ELOVL5: variants seen among roughly 807,000 people sequenced by gnomAD.
ELOVL5 encodes the protein ELOVL fatty acid elongase 5.
ELOVL5 carries 8 observed loss-of-function variants against 38.6 expected under a neutral mutation model. The ratio of observed to expected loss-of-function variants is 0.21; its 90% CI spans 0.12 to 0.37. ELOVL5 has a LOEUF of 0.37. ELOVL5 is among the 10% of genes least tolerant of loss of function. The pLI, the probability that ELOVL5 is intolerant of heterozygous loss-of-function variation, is 1.00. For missense variants in ELOVL5, 280 were observed against 367.8 expected (o/e 0.76, Z 1.95); for synonymous variants, 127 against 133.7 (o/e 0.95, Z 0.34).
At chr6:53,300,531 A>G (rs905187185) in intron 1 of ELOVL5, among the ~76,000 whole-genome samples, 1 of 152,240 alleles carries the variant, frequency 6.6e-6, no homozygotes, top group African/African-American at 2.4e-5. Context: ...TGGAAAACAT[A>G]GAGAAGGCAG....
chr6:53,315,273 AG>A (rs959494090), intron 1 of ELOVL5, among the ~76,000 whole-genome samples: 12 of 152,120 alleles, frequency 7.9e-5, no homozygotes, highest in Non-Finnish European at 2.9e-5. Context: ...ATCCCATCAT[AG>A]GGACTCCACC....
At chr6:53,293,171 C>T (rs1278020457) in intron 2 of ELOVL5, among the ~76,000 whole-genome samples, 6 of 152,094 alleles carry the variant, frequency 3.9e-5, no homozygotes, top group East Asian at 3.8e-4. Context: ...TGATGTTCCC[C>T]GAAAACCTGT....
rs75145998 is a variant in ELOVL5, at chr6:53,315,997, T to C, written c.-8-20290A>G. ...CCTTGGGCAAGCTGCTAAAACTATATAGACCTCAGTTTCCCAACTCATAAA... is the reference window on the plus strand; with the variant it reads ...CCTTGGGCAAGCTGCTAAAACTATACAGACCTCAGTTTCCCAACTCATAAA... On this transcript the variant is annotated intron_variant, in intron 1 of 7. Transcript: ENST00000304434. 5.8e-3 allele frequency among the ~76,000 whole-genome samples: 887 copies of C among 152,322 alleles called. 18 individuals are homozygous for C. The highest frequency in any genetic ancestry group is 4.3e-3 in the Non-Finnish European group (291 of 68,036).
chr6:53,269,644 C>T (rs1306041356), intron 7 of ELOVL5, among the ~76,000 whole-genome samples: 3 of 152,206 alleles, frequency 2.0e-5, no homozygotes, highest in Admixed American at 6.5e-5. Flanking sequence ...ACACCCACAT[C>T]CCTTGTTCGT....
In ELOVL5 at chr6:53,270,499, C is replaced by T. The variant is rs1026567767; in HGVS notation, c.756+94G>A. ...CCATTAGAGGCCAGAGCCTGTCACC[C>T]AGCAAGGGCTCCACATGCCCATTAA... is the stretch of plus-strand genomic sequence containing the variant. On this transcript the variant is annotated intron_variant, in intron 7 of 7. Transcript: ENST00000304434. The T allele has an allele frequency of 1.3e-5, 19 of 1,411,846 alleles. No individual in the cohort carries two copies. In the African/African-American group the frequency reaches 1.6e-4, roughly 12 times the overall value. The allele number at this position is 1,411,846 out of a possible 1,614,324, so 87.5% of individuals were successfully genotyped here. A position where few individuals can be genotyped will look rare whatever the true frequency, so the allele number is the denominator to read the frequency against.
intron 1 of ELOVL5, among the ~76,000 whole-genome samples, chr6:53,303,464 C>G (rs1767344606): frequency 6.6e-6 from 1 of 152,184 alleles, no homozygotes; most frequent in Non-Finnish European, 1.5e-5. Context: ...ACTTTCTAAC[C>G]TCCATTCTAA....
Position 53,276,538 on chromosome 6 carries a change from C to A in ELOVL5, c.247-282G>T, listed in dbSNP as rs529363840. Among the ~76,000 whole-genome samples, 25 of 152,284 alleles carry A rather than the reference C, an allele frequency of 1.6e-4. 1 individual carries two copies. In the South Asian group the frequency reaches 4.8e-3, roughly 29 times the overall value. On this transcript the variant is annotated intron_variant, in intron 3 of 7. Transcript: ENST00000304434. Reference sequence around the variant, plus strand: ...TCTGCAGAACCCTCAGCCCGTCACCCCCTTGGTCCTAGCACAAGTGCCCAG... The same window carrying A: ...TCTGCAGAACCCTCAGCCCGTCACCACCTTGGTCCTAGCACAAGTGCCCAG...
At chr6:53,272,328 G>A (rs148422383) in intron 6 of ELOVL5, among the ~76,000 whole-genome samples, 2 of 152,102 alleles carry the variant, frequency 1.3e-5, no homozygotes, top group African/African-American at 2.4e-5. Flanking sequence ...GTAGAGACAG[G>A]GCCTCACTAT....
intron 1 of ELOVL5, among the ~76,000 whole-genome samples, chr6:53,329,292 G>A (rs1028360660): frequency 6.6e-6 from 1 of 151,818 alleles, no homozygotes; most frequent in Non-Finnish European, 1.5e-5. Context: ...AATATATTTT[G>A]AAAAATATAT....
intron 1 of ELOVL5, among the ~76,000 whole-genome samples, chr6:53,321,878 A>C (rs1768316324): frequency 6.6e-6 from 1 of 152,184 alleles, no homozygotes; most frequent in African/African-American, 2.4e-5. Flanking sequence ...CTGCTTGCCT[A>C]AGGATTAATT....
chr6:53,321,708 A>G (rs1768309858), intron 1 of ELOVL5, among the ~76,000 whole-genome samples: 2 of 152,276 alleles, frequency 1.3e-5, no homozygotes, highest in Non-Finnish European at 2.9e-5. Flanking sequence ...AATTTAGTCT[A>G]ATGTAAAACA....
intron 6 of ELOVL5, among the ~76,000 whole-genome samples, chr6:53,271,720 A>C (rs754655316): frequency 6.6e-6 from 1 of 152,184 alleles, no homozygotes; most frequent in Non-Finnish European, 1.5e-5. Context: ...CAGCCTCCCG[A>C]GTGACCGGGA....
chr6:53,328,491 T>A (rs1768647404), intron 1 of ELOVL5, among the ~76,000 whole-genome samples: 2 of 152,186 alleles, frequency 1.3e-5, no homozygotes, highest in South Asian at 4.1e-4. Context: ...TCTGACATTA[T>A]ACACAAAAGG....
intron 3 of ELOVL5, among the ~76,000 whole-genome samples, chr6:53,284,005 T>TA (rs569206590): frequency 1.7e-3 from 246 of 140,770 alleles, no homozygotes; most frequent in Middle Eastern, 3.6e-3. Context: ...TTTAGGACCT[T>TA]AAAAAAAAAA....
rs186714239 is a variant in ELOVL5, at chr6:53,326,086, T to A, written c.-9+22731A>T. Among the ~76,000 whole-genome samples the A allele has an allele frequency of 4.9e-4, 75 of 152,240 alleles. 1 individual carries two copies. The highest frequency in any genetic ancestry group is 1.7e-3 in the African/African-American group (70 of 41,542). On this transcript the variant is annotated intron_variant, in intron 1 of 7. Transcript: ENST00000304434. Reference sequence around the variant, plus strand: ...AGCGAAGGCACAGCATGAAGAGATATAGAGGTGTGAAAGGACACAGTAGAC... The same window carrying A: ...AGCGAAGGCACAGCATGAAGAGATAAAGAGGTGTGAAAGGACACAGTAGAC...
Position 53,269,137 on chromosome 6 carries a change from C to T in ELOVL5, c.890G>A (p.Arg297Gln), listed in dbSNP as rs760655173. Reference protein sequence around the residue: ...LENNVKPRKLRKD With the variant: ...LENNVKPRKLQKD ...TTCAATTCTTTGACTTCAATCCTTC[C>T]GCAGCTTCCTTGGCTTCACATTGTT... Residue 297 changes from arginine to glutamine, a missense_variant, in exon 8 of 8, where the codon CGG (arginine) becomes CAG (glutamine). By Grantham distance (43) the Arg-to-Gln change is conservative (BLOSUM62 1). Around this residue, in one of 3 missense-constraint regions of ELOVL5, gnomAD observed 125 missense variants for 158.9 expected, o/e 0.79. Transcript: ENST00000304434. The T allele has an allele frequency of 1.5e-5, 25 of 1,613,310 alleles. No individual in the cohort carries two copies. The highest frequency in any genetic ancestry group is 3.4e-4 in the Middle Eastern group (2 of 5,958).
intron 3 of ELOVL5, among the ~76,000 whole-genome samples, chr6:53,283,771 C>G (rs977484034): frequency 6.6e-6 from 1 of 152,164 alleles, no homozygotes; most frequent in Non-Finnish European, 1.5e-5. Flanking sequence ...GCAGACTTCT[C>G]TGGAATAAAT....
intron 1 of ELOVL5, among the ~76,000 whole-genome samples, chr6:53,327,823 T>C (rs1421903005): frequency 6.6e-6 from 1 of 152,206 alleles, no homozygotes; most frequent in Non-Finnish European, 1.5e-5. Flanking sequence ...TCATCTCCCA[T>C]CTGCCTTTTA....
At chr6:53,336,249 G>C (rs1303967715) in intron 1 of ELOVL5, among the ~76,000 whole-genome samples, 3 of 152,132 alleles carry the variant, frequency 2.0e-5, no homozygotes, top group Admixed American at 6.5e-5. Flanking sequence ...ACACTGAGTG[G>C]GTTTAAGTGA....
Sources: gnomAD v4.1 joint callset for allele counts (sites outside exome capture counted in the v4.1 genomes callset) on GRCh38, gnomAD v4.1.1 for gene constraint, gnomAD v4.1.1 regional missense constraint, MANE v1.5 for transcripts, NCBI Gene and HGNC (gene_info 2026-07-23, HGNC 2026-07-21) for gene names.